Variants in BRINP3 observed in about 807,000 individuals in gnomAD.
BRINP3 encodes the protein BMP/retinoic acid-inducible neural-specific protein 3.
Under a neutral mutation model 71.0 loss-of-function variants are expected in BRINP3, and 19 were observed. That is an observed-to-expected ratio of 0.27 (90% CI 0.19 to 0.39). BRINP3 has a LOEUF of 0.39. BRINP3 is among the 10% of genes least tolerant of loss of function. The pLI is 1.00. For synonymous variants in BRINP3, 380 were observed against 337.7 expected, an observed-to-expected ratio of 1.13 and a Z score of -1.37; for missense variants, 959 against 940.8, an observed-to-expected ratio of 1.02 and a Z score of -0.25.
intron 2 of BRINP3, among the ~76,000 whole-genome samples, chr1:190,287,026 C>T (rs535414591): frequency 1.6e-4 from 24 of 151,122 alleles, no homozygotes; most frequent in Admixed American, 1.3e-3. Context: ...CGAGACCAGC[C>T]TGGCCAACAT....
At chr1:190,133,233 T>G (rs1654687971) in intron 7 of BRINP3, among the ~76,000 whole-genome samples, 1 of 152,168 alleles carries the variant, frequency 6.6e-6, no homozygotes, top group Admixed American at 6.6e-5. Flanking sequence ...TCTAAGAACT[T>G]GTAACACTGC....
chr1:190,361,668 C>T (rs1039292575), intron 2 of BRINP3, among the ~76,000 whole-genome samples: 1 of 152,080 alleles, frequency 6.6e-6, no homozygotes, highest in South Asian at 2.1e-4. Context: ...TCCCAAAGTG[C>T]TGGAATTACA....
intron 2 of BRINP3, among the ~76,000 whole-genome samples, chr1:190,298,183 G>T (rs1360853006): frequency 6.6e-6 from 1 of 152,022 alleles, no homozygotes; most frequent in East Asian, 1.9e-4. Context: ...GTTGTGTAGT[G>T]CTAACCACTG....
At chr1:190,301,240 C>G (rs1330714321) in intron 2 of BRINP3, among the ~76,000 whole-genome samples, 1 of 111,028 alleles carries the variant, frequency 9.0e-6, no homozygotes, top group Non-Finnish European at 1.9e-5. Flanking sequence ...TATATACACA[C>G]ATACATATAT....
intron 1 of BRINP3, among the ~76,000 whole-genome samples, chr1:190,462,816 C>A (rs932606725): frequency 1.3e-5 from 2 of 151,902 alleles, no homozygotes; most frequent in Non-Finnish European, 2.9e-5. Flanking sequence ...AAAGTTATTT[C>A]TTAGAATTTT....
intron 2 of BRINP3, among the ~76,000 whole-genome samples, chr1:190,370,226 A>G (rs186099582): frequency 5.4e-4 from 82 of 152,332 alleles, no homozygotes; most frequent in African/African-American, 1.9e-3. Context: ...AAATAAGTCA[A>G]TTAGATAAAA....
At position 190,329,523 on chromosome 1, in the gene BRINP3, A is replaced by T. The variant is rs149473790; in HGVS notation, c.237-47773T>A. Among the ~76,000 whole-genome samples the T allele has an allele frequency of 5.4e-3, 825 of 152,216 alleles. 4 individuals are homozygous for T. The highest frequency in any genetic ancestry group is 0.018 in the African/African-American group (754 of 41,548). On this transcript the variant is annotated intron_variant, in intron 2 of 7. Transcript: ENST00000367462. ...ACAGCTACAAAATACTGCTAAAAGAAATCATAGATGACAGAAACAAATGAA... is the reference window on the plus strand; with the variant it reads ...ACAGCTACAAAATACTGCTAAAAGATATCATAGATGACAGAAACAAATGAA...
intron 2 of BRINP3, among the ~76,000 whole-genome samples, chr1:190,291,500 G>C (rs1013187662): frequency 4.6e-5 from 7 of 151,984 alleles, no homozygotes; most frequent in African/African-American, 1.7e-4. Flanking sequence ...AGAAGGACCT[G>C]AATAGATATT....
At chr1:190,261,858 G>T (rs1558121610) in intron 4 of BRINP3, among the ~76,000 whole-genome samples, 1 of 152,106 alleles carries the variant, frequency 6.6e-6, no homozygotes, top group Non-Finnish European at 1.5e-5. Context: ...TAAGATCTTG[G>T]TTTCAGAGAC....
intron 2 of BRINP3, among the ~76,000 whole-genome samples, chr1:190,409,326 A>G (rs1672505746): frequency 6.6e-6 from 1 of 152,206 alleles, no homozygotes; most frequent in African/African-American, 2.4e-5. Flanking sequence ...GCCTTTAAAG[A>G]TAAATATAAA....
chr1:190,128,087 G>C (rs149005778), intron 7 of BRINP3, among the ~76,000 whole-genome samples: 255 of 151,758 alleles, frequency 1.7e-3, no homozygotes, highest in Non-Finnish European at 2.8e-3. Flanking sequence ...CAGGTAGGAG[G>C]ATACAAAGAT....
intron 2 of BRINP3, among the ~76,000 whole-genome samples, chr1:190,294,462 T>C (rs976100253): frequency 1.4e-4 from 21 of 151,968 alleles, no homozygotes; most frequent in Admixed American, 1.2e-3. Flanking sequence ...TTGTTGCCCA[T>C]GCTGGTCATT....
intron 2 of BRINP3, among the ~76,000 whole-genome samples, chr1:190,292,725 T>C (rs2102971734): frequency 6.6e-6 from 1 of 152,274 alleles, no homozygotes; most frequent in East Asian, 1.9e-4. Flanking sequence ...TTAATCTTTG[T>C]ACTCACTATT....
chr1:190,211,666 T>C (rs1655999987), intron 6 of BRINP3, among the ~76,000 whole-genome samples: 1 of 152,132 alleles, frequency 6.6e-6, no homozygotes, highest in African/African-American at 2.4e-5. Context: ...ATGATGGCAC[T>C]GATCTAAACA....
intron 2 of BRINP3, among the ~76,000 whole-genome samples, chr1:190,316,723 T>A (rs562350822): frequency 1.3e-5 from 2 of 152,218 alleles, no homozygotes; most frequent in South Asian, 4.2e-4. Context: ...AACACATCAA[T>A]AATATTCATG....
intron 2 of BRINP3, among the ~76,000 whole-genome samples, chr1:190,358,204 A>G (rs555213396): frequency 6.6e-6 from 1 of 152,300 alleles, no homozygotes; most frequent in South Asian, 2.1e-4. Context: ...AAAAGAAACT[A>G]CCATCAGAGT....
intron 6 of BRINP3, among the ~76,000 whole-genome samples, chr1:190,168,225 AT>A (rs200251911): frequency 2.0e-4 from 22 of 112,136 alleles, no homozygotes; most frequent in African/African-American, 6.4e-4. Context: ...ATATATATAT[AT>A]AAAAAGCAAG....
chr1:190,365,639 T>C (rs1411343880), intron 2 of BRINP3, among the ~76,000 whole-genome samples: 3 of 143,772 alleles, frequency 2.1e-5, no homozygotes, highest in Non-Finnish European at 4.5e-5. Context: ...ATAATTGTAA[T>C]ATAATGATAT....
At chr1:190,144,821 C>T (rs1655751192) in intron 7 of BRINP3, among the ~76,000 whole-genome samples, 1 of 152,114 alleles carries the variant, frequency 6.6e-6, no homozygotes, top group East Asian at 1.9e-4. Flanking sequence ...GCCACAGGGG[C>T]TCCTCATGAT....
Sources: allele counts gnomAD v4.1 joint callset (sites outside exome capture counted in the v4.1 genomes callset), GRCh38; gene constraint gnomAD v4.1.1; transcripts MANE v1.5; gene names NCBI Gene and HGNC (gene_info 2026-07-23, HGNC 2026-07-21).